MYO3B: variants seen among roughly 807,000 people sequenced by gnomAD.
The protein encoded by MYO3B is myosin IIIB, also known as myosin-IIIb.
In MYO3B, 156 loss-of-function variants were observed where a neutral mutation model predicts 174.6. The observed-to-expected ratio is 0.89, with a 90% CI of 0.78 to 1.02. The LOEUF is 1.02. Ranked by LOEUF, MYO3B falls within the 50% of genes least tolerant of loss-of-function variation. The pLI, the probability that MYO3B is intolerant of heterozygous loss-of-function variation, is 0.00. For missense variants in MYO3B, 1,632 were observed against 1,639.4 expected (o/e 1.00, Z 0.08); for synonymous variants, 563 against 569.1 (o/e 0.99, Z 0.15).
intron 25 of MYO3B, among the ~76,000 whole-genome samples, chr2:170,494,589 A>G (rs7593838): frequency 0.064 from 9,773 of 151,936 alleles, 989 homozygotes; most frequent in African/African-American, 0.22. Context: ...TTAGCCAGGT[A>G]TGGTGGTACA....
rs780494339 is a variant in MYO3B at position 170,519,430 on chromosome 2, T to C, written c.3473-8T>C. On this transcript the variant is annotated splice_region_variant and splice_polypyrimidine_tract_variant and intron_variant, in intron 29 of 34. Coordinates refer to ENST00000408978, the MANE Select transcript of MYO3B (RefSeq NM_138995.5). ...ACATATGCTTAGCCCTCCTTTCTTT[T>C]CTCTCAGTTCTCAGGGGCTCTGTAC... 9 of 1,612,676 alleles carry C rather than the reference T, an allele frequency of 5.6e-6. No homozygotes were observed. The Middle Eastern group carries it at 5.0e-4, about 89-fold the overall frequency.
At chr2:170,184,701 C>T (rs910021435) in intron 1 of MYO3B, among the ~76,000 whole-genome samples, 15 of 152,098 alleles carry the variant, frequency 9.9e-5, no homozygotes, top group Non-Finnish European at 1.9e-4. Context: ...TGGGGTGTAC[C>T]TAGCAGTGGG....
intron 8 of MYO3B, chr2:170,342,481 A>T (rs1353570459): frequency 6.6e-6 from 1 of 152,140 alleles, no homozygotes; most frequent in African/African-American, 2.4e-5. Flanking sequence ...GCTGTGGAAG[A>T]GCTGTGCTAT....
chr2:170,351,339 T>C (rs977122953), intron 8 of MYO3B, among the ~76,000 whole-genome samples: 1 of 152,144 alleles, frequency 6.6e-6, no homozygotes, highest in African/African-American at 2.4e-5. Flanking sequence ...GGAGAGGTTA[T>C]GTGATCCTGT....
chr2:170,382,157 C>A, intron 10 of MYO3B, 45 bp downstream of exon 10: 1 of 1,501,430 alleles, frequency 6.7e-7, no homozygotes, highest in South Asian at 1.1e-5. Flanking sequence ...ACATTTGTTT[C>A]ATGTGAATGG....
At chr2:170,293,973 T>G (rs377679503) in intron 7 of MYO3B, among the ~76,000 whole-genome samples, 3 of 83,170 alleles carry the variant, frequency 3.6e-5, no homozygotes, top group African/African-American at 1.3e-4. Context: ...TCTTAGAATT[T>G]CGTTCTTTTT....
chr2:170,653,611 C>T lies in MYO3B; in HGVS notation c.*490C>T, dbSNP rs1459108479. 1.9e-5 allele frequency: 3 copies of T among 157,430 alleles called. No individual in the cohort carries two copies. The highest frequency in any genetic ancestry group is 4.8e-5 in the African/African-American group (2 of 41,514). The allele number at this position is 157,430 out of a possible 1,614,324, so 9.8% of individuals were successfully genotyped here. On this transcript the variant is annotated 3_prime_UTR_variant, in exon 35 of 35. Coordinates refer to ENST00000408978, the MANE Select transcript of MYO3B (RefSeq NM_138995.5). ...CTATCACTCCCACCTCCCCCAGAGT[C>T]AGGGCTCCATTGCTGAGTGCCCCAT...
chr2:170,402,808 T>A, intron 18 of MYO3B, 40 bp from the exon 19 acceptor site: 1 of 1,545,630 alleles, frequency 6.5e-7, no homozygotes, highest in Non-Finnish European at 8.8e-7. Context: ...TAGGTGGGTG[T>A]TTCCTCCCCT....
intron 7 of MYO3B, among the ~76,000 whole-genome samples, chr2:170,304,346 T>C (rs1030829879): frequency 2.0e-5 from 3 of 152,166 alleles, no homozygotes; most frequent in Admixed American, 6.5e-5. Flanking sequence ...TTATATCTTG[T>C]TTTCATTATT....
chr2:170,474,456 G>A (rs535586018), intron 25 of MYO3B, among the ~76,000 whole-genome samples: 1 of 151,906 alleles, frequency 6.6e-6, no homozygotes, highest in Admixed American at 6.6e-5. Context: ...GGCATCCATG[G>A]CTGGACATGG....
intron 7 of MYO3B, among the ~76,000 whole-genome samples, chr2:170,329,987 T>A (rs2093900557): frequency 6.6e-6 from 1 of 150,856 alleles, no homozygotes; most frequent in South Asian, 2.1e-4. Context: ...GGAAATAGAA[T>A]GTTTTTTTAA....
At chr2:170,182,370 G>A (rs550354672) in intron 1 of MYO3B, among the ~76,000 whole-genome samples, 3 of 151,994 alleles carry the variant, frequency 2.0e-5, no homozygotes, top group Non-Finnish European at 4.4e-5. Flanking sequence ...TTATTGAACA[G>A]TATTATTTAG....
intron 8 of MYO3B, chr2:170,348,637 C>T (rs1215269319): frequency 6.6e-6 from 1 of 152,228 alleles, no homozygotes; most frequent in Non-Finnish European, 1.5e-5. Flanking sequence ...GACACCTCCT[C>T]CATTTCCCCA....
At chr2:170,426,835 T>C (rs986493667) in intron 22 of MYO3B, among the ~76,000 whole-genome samples, 2 of 151,764 alleles carry the variant, frequency 1.3e-5, no homozygotes, top group African/African-American at 4.8e-5. Flanking sequence ...CTGGCCAATA[T>C]AGTGAAACCC....
rs1159809167 is a variant in MYO3B at position 170,648,929 on chromosome 2, AT to A, written c.3734-2698del. Among the ~76,000 whole-genome samples the A allele has an allele frequency of 5.3e-3, 398 of 74,858 alleles. 3 individuals are homozygous for A. The highest frequency in any genetic ancestry group is 0.021 in the South Asian group (42 of 2,036). 49.1% of individuals were successfully genotyped at this position (74,858 alleles called of 152,430 possible). A position where few individuals can be genotyped will look rare whatever the true frequency, so the allele number is the denominator to read the frequency against. On this transcript the variant is annotated intron_variant, in intron 32 of 34. Transcript: ENST00000408978. ...ATAAAATATATATAATATATATAAA[AT>A]ATGATATATAATATATATAAAATAA...
chr2:170,196,363 A>G (rs955145358), intron 1 of MYO3B, among the ~76,000 whole-genome samples: 2 of 152,152 alleles, frequency 1.3e-5, no homozygotes, highest in African/African-American at 4.8e-5. Flanking sequence ...CACCAAAAAA[A>G]TTAGCTGGGT....
chr2:170,322,036 C>T (rs1022083217), intron 7 of MYO3B, among the ~76,000 whole-genome samples: 5 of 151,466 alleles, frequency 3.3e-5, no homozygotes, highest in African/African-American at 1.2e-4. Context: ...ATTGCTTGAA[C>T]CCGGGAGGTG....
chr2:170,291,721 T>TA (rs1553584944), intron 7 of MYO3B, among the ~76,000 whole-genome samples: 2 of 151,778 alleles, frequency 1.3e-5, no homozygotes, highest in South Asian at 2.1e-4. Flanking sequence ...AGGTTTTTTT[T>TA]ATTTTCTTAA....
intron 32 of MYO3B, among the ~76,000 whole-genome samples, chr2:170,600,728 T>C (rs190462663): frequency 2.0e-5 from 3 of 152,180 alleles, no homozygotes; most frequent in Admixed American, 2.0e-4. Context: ...TGGTGATACA[T>C]TCTCAGGTCT....
Sources: allele counts gnomAD v4.1 joint callset (sites outside exome capture counted in the v4.1 genomes callset), GRCh38; gene constraint gnomAD v4.1.1; transcripts MANE v1.5; gene names NCBI Gene and HGNC (gene_info 2026-07-23, HGNC 2026-07-21).